PIK3CG: variants seen among roughly 807,000 people sequenced by gnomAD.
The protein encoded by PIK3CG is phosphatidylinositol-4,5-bisphosphate 3-kinase catalytic subunit gamma.
In PIK3CG, 55 loss-of-function variants were observed where a neutral mutation model predicts 102.3. The ratio of observed to expected loss-of-function variants is 0.54; its 90% CI spans 0.43 to 0.67. PIK3CG has a LOEUF of 0.67. Ranked by LOEUF, PIK3CG falls within the 30% of genes least tolerant of loss-of-function variation. PIK3CG has a pLI of 0.00. For missense variants in PIK3CG, 1,258 were observed against 1,391.8 expected, an observed-to-expected ratio of 0.90 and a Z score of 1.53; for synonymous variants, 552 against 540.0, an observed-to-expected ratio of 1.02 and a Z score of -0.31.
At chr7:106,901,625 T>C (rs1039199395) in intron 10 of PIK3CG, among the ~76,000 whole-genome samples, 1 of 152,200 alleles carries the variant, frequency 6.6e-6, no homozygotes, top group African/African-American at 2.4e-5. Context: ...TTGGAGGACA[T>C]ATGACAATTT....
intron 6 of PIK3CG, among the ~76,000 whole-genome samples, chr7:106,881,390 A>C (rs1392155160): frequency 1.3e-5 from 2 of 152,250 alleles, no homozygotes; most frequent in Non-Finnish European, 2.9e-5. Flanking sequence ...AGCAGCAATC[A>C]GTATATATTC....
intron 1 of PIK3CG, among the ~76,000 whole-genome samples, chr7:106,866,301 A>T (rs1339788424): frequency 6.6e-6 from 1 of 152,264 alleles, no homozygotes; most frequent in African/African-American, 2.4e-5. Flanking sequence ...TAGTGATACT[A>T]AACATTGAAA....
Position 106,880,160 on chromosome 7 carries a change from T to C in PIK3CG, c.2538+495T>C, listed in dbSNP as rs849371. On this transcript the variant is annotated intron_variant, in intron 6 of 10. Coordinates refer to ENST00000496166, the MANE Select transcript of PIK3CG (RefSeq NM_001282426.2). The surrounding 1 kb of genome is among the most constrained non-coding windows in gnomAD (Gnocchi z 4.2). Reference sequence around the variant, plus strand: ...GTAAGTGACAAGAGTGAAGTACTGTTAGGGCAGAAGGTGAATGGTCAATAT... The same window carrying C: ...GTAAGTGACAAGAGTGAAGTACTGTCAGGGCAGAAGGTGAATGGTCAATAT... Among the ~76,000 whole-genome samples, 19,371 of 152,218 alleles carry C rather than the reference T, an allele frequency of 0.13. 1,450 individuals carry two copies. Among genetic ancestry groups the C allele is most frequent in the African/African-American group, 0.21 (8,881 of 41,510 alleles).
chr7:106,874,681 G>A lies in PIK3CG; in HGVS notation c.2288-19G>A, dbSNP rs1353769171. On this transcript the variant is annotated intron_variant, in intron 4 of 10. Transcript: ENST00000496166. The surrounding 1 kb of genome is among the most constrained non-coding windows in gnomAD (Gnocchi z 4.3). Reference sequence around the variant, plus strand: ...TTTCTGGAACTCACATAACTCTTGTGTACTTTTGACAATTACAGTTATTTC... The same window carrying A: ...TTTCTGGAACTCACATAACTCTTGTATACTTTTGACAATTACAGTTATTTC... 3 of 1,471,048 alleles carry A rather than the reference G, an allele frequency of 2.0e-6. No individual in the cohort carries two copies. The highest frequency in any genetic ancestry group is 2.3e-5 in the East Asian group (1 of 44,266). The allele number at this position is 1,471,048 out of a possible 1,614,324, so 91.1% of individuals were successfully genotyped here.
Position 106,893,929 on chromosome 7 carries a change from A to T in PIK3CG, c.3030+7637A>T, listed in dbSNP as rs1276571514. Among the ~76,000 whole-genome samples the T allele has an allele frequency of 1.3e-5, 2 of 152,216 alleles. No individual in the cohort carries two copies. Among genetic ancestry groups the T allele is most frequent in the African/African-American group, 4.8e-5 (2 of 41,456 alleles). ...CAGCATGTTACTTACTGAATACTGT[A>T]GGCAGTTGTGACACAATGTTATGCA... On this transcript the variant is annotated intron_variant, in intron 10 of 10. Transcript: ENST00000496166. This position sits in a 1 kb window ranked among gnomAD's most constrained non-coding sequence, Gnocchi z 4.4.
At position 106,908,654 on chromosome 7, in the gene PIK3CG, T is replaced by G. The variant is rs970698404; in HGVS notation, c.*3267T>G. Reference sequence around the variant, plus strand: ...AACTTAACTGTAGTAAATATATCTTTTTCAGGTGATGAATTATTTTTTTAA... The same window carrying G: ...AACTTAACTGTAGTAAATATATCTTGTTCAGGTGATGAATTATTTTTTTAA... On this transcript the variant is annotated 3_prime_UTR_variant, in exon 11 of 11. Transcript: ENST00000496166. This position sits in a 1 kb window ranked among gnomAD's most constrained non-coding sequence, Gnocchi z 4.1. 7.2e-5 allele frequency among the ~76,000 whole-genome samples: 11 copies of G among 152,178 alleles called. No homozygotes were observed. Among genetic ancestry groups the G allele is most frequent in the Non-Finnish European group, 1.5e-4 (10 of 68,026 alleles).
chr7:106,868,142 A>G lies in PIK3CG; in HGVS notation c.581A>G (p.Lys194Arg), dbSNP rs370215200. ...GCGGAGGTGGCCAGCCGCGACCCCA[A>G]GCTCTACGCCATGCACCCGTGGGTG... ...RMAEVASRDPKLYAMHPWVTS... is the reference protein window; with the variant it reads ...RMAEVASRDPRLYAMHPWVTS... The change falls in exon 2 of 11, where the codon AAG becomes AGG. Residue 194 changes from lysine (K) to arginine (R), a missense_variant. Coordinates refer to ENST00000496166, the MANE Select transcript of PIK3CG (RefSeq NM_001282426.2). The surrounding 1 kb of genome is among the most constrained non-coding windows in gnomAD (Gnocchi z 6.2). The G allele has an allele frequency of 8.1e-6, 13 of 1,613,346 alleles. No individual in the cohort carries two copies. Among genetic ancestry groups the G allele is most frequent in the East Asian group, 2.2e-5 (1 of 44,854 alleles).
intron 5 of PIK3CG, among the ~76,000 whole-genome samples, chr7:106,876,045 G>T (rs2116506472): frequency 6.6e-6 from 1 of 150,716 alleles, no homozygotes; most frequent in East Asian, 2.0e-4. Context: ...CTCCCAAGTA[G>T]CTGGGACTAC....
At chr7:106,889,228 A>G (rs1312909776) in intron 10 of PIK3CG, among the ~76,000 whole-genome samples, 2 of 152,164 alleles carry the variant, frequency 1.3e-5, no homozygotes, top group Non-Finnish European at 2.9e-5. Context: ...CATCCTTCAC[A>G]ACAGGAAAAA....
chr7:106,882,999 C>A, intron 7 of PIK3CG, 34 bp from the exon 8 acceptor site: 1 of 1,609,902 alleles, frequency 6.2e-7, no homozygotes, highest in East Asian at 2.2e-5. Flanking sequence ...TACTGGCCCC[C>A]AATCTCCATC....
rs142862759 is a variant in PIK3CG at position 106,876,969 on chromosome 7, G to A, written c.2391+2166G>A. 1.9e-3 allele frequency among the ~76,000 whole-genome samples: 283 copies of A among 152,176 alleles called. 2 individuals carry two copies. The highest frequency in any genetic ancestry group is 5.8e-3 in the African/African-American group (241 of 41,514). Reference sequence around the variant, plus strand: ...TTCCAGCACTGTGGGAAGCCAAGGCGGGAGGATCACTTGAGGCAAGGAGTA... The same window carrying A: ...TTCCAGCACTGTGGGAAGCCAAGGCAGGAGGATCACTTGAGGCAAGGAGTA... On this transcript the variant is annotated intron_variant, in intron 5 of 10. Coordinates refer to ENST00000496166, the MANE Select transcript of PIK3CG (RefSeq NM_001282426.2).
chr7:106,893,813 A>G lies in PIK3CG; in HGVS notation c.3030+7521A>G, dbSNP rs1791328318. Among the ~76,000 whole-genome samples the G allele has an allele frequency of 6.6e-6, 1 of 152,230 alleles. No individual in the cohort carries two copies. The highest frequency in any genetic ancestry group is 2.4e-5 in the African/African-American group (1 of 41,460). On this transcript the variant is annotated intron_variant, in intron 10 of 10. Transcript: ENST00000496166. This position sits in a 1 kb window ranked among gnomAD's most constrained non-coding sequence, Gnocchi z 4.4. ...TAGGCAATTTCGTCATTGTGTAAAC[A>G]TCAGAGTGAACTTACACAAACCTAG...
At chr7:106,885,126 G>T (rs951753028) in intron 9 of PIK3CG, among the ~76,000 whole-genome samples, 1 of 152,074 alleles carries the variant, frequency 6.6e-6, no homozygotes, top group Non-Finnish European at 1.5e-5. Flanking sequence ...TTCCTAACAG[G>T]CCATGGACCT....
chr7:106,882,239 T>G (rs747017554), intron 7 of PIK3CG, 32 bp downstream of exon 7: 1 of 1,022,716 alleles, frequency 9.8e-7, no homozygotes, highest in East Asian at 2.7e-5. Flanking sequence ...TGAATAGACC[T>G]CTCAGCTCGT....
rs1790550958 is a variant in PIK3CG, at chr7:106,872,083, A to C, written c.1996-454A>C. On this transcript the variant is annotated intron_variant, in intron 2 of 10. Coordinates refer to ENST00000496166, the MANE Select transcript of PIK3CG (RefSeq NM_001282426.2). The surrounding 1 kb of genome is among the most constrained non-coding windows in gnomAD (Gnocchi z 5.3). ...GCTATAGGGCTTTTAGGATCTTTCC[A>C]TCTAACAAATATTTTTCTCCTTACG... Among the ~76,000 whole-genome samples the C allele has an allele frequency of 6.6e-6, 1 of 152,176 alleles. No homozygotes were observed. Among genetic ancestry groups the C allele is most frequent in the Admixed American group, 6.5e-5 (1 of 15,280 alleles).
At position 106,867,334 on chromosome 7, in the gene PIK3CG, A is replaced by G. The variant is rs1790320398; in HGVS notation, c.-12-216A>G. On this transcript the variant is annotated intron_variant, in intron 1 of 10. Coordinates refer to ENST00000496166, the MANE Select transcript of PIK3CG (RefSeq NM_001282426.2). This position sits in a 1 kb window ranked among gnomAD's most constrained non-coding sequence, Gnocchi z 5.1. ...CAGGCTCAGAGATTAAGCAGCCCAA[A>G]TCACCCAGAAAGTAAGTGGCTGGGC... is the stretch of plus-strand genomic sequence containing the variant. Among the ~76,000 whole-genome samples, 1 of 152,158 alleles carries G rather than the reference A, an allele frequency of 6.6e-6. No individual in the cohort carries two copies. The highest frequency in any genetic ancestry group is 1.5e-5 in the Non-Finnish European group (1 of 68,034).
rs2116551035 is a variant in PIK3CG, at chr7:106,884,161, G to A, written c.2767G>A (p.Ala923Thr). 1 of 1,610,012 alleles carries A rather than the reference G, an allele frequency of 6.2e-7. No individual in the cohort carries two copies. Among genetic ancestry groups the A allele is most frequent in the Non-Finnish European group, 8.5e-7 (1 of 1,177,144 alleles). The change falls in exon 9 of 11, where the codon GCA (alanine) becomes ACA (threonine). Residue 923 changes from alanine to threonine, a missense_variant. Coordinates refer to ENST00000496166, the MANE Select transcript of PIK3CG (RefSeq NM_001282426.2). This position sits in a 1 kb window ranked among gnomAD's most constrained non-coding sequence, Gnocchi z 4.2. ...EKSPTEEKFQ[A>T]AVERFVYSCA... is the part of the protein sequence containing the mutation. ...TCAAATGCATTTTAATTAGTTTCAG[G>A]CAGCAGTGGAGAGATTTGTTTATTC...
intron 10 of PIK3CG, among the ~76,000 whole-genome samples, chr7:106,904,439 G>A (rs1791638377): frequency 6.6e-6 from 1 of 152,120 alleles, no homozygotes; most frequent in African/African-American, 2.4e-5. Flanking sequence ...CAATTTAAAT[G>A]GCATAACCAT....
In PIK3CG at chr7:106,882,202, A is replaced by G. The variant is rs767917765; in HGVS notation, c.2624A>G (p.Lys875Arg). The G allele has an allele frequency of 1.3e-6, 2 of 1,557,020 alleles. No homozygotes were observed. Among genetic ancestry groups the G allele is most frequent in the East Asian group, 4.7e-5 (2 of 42,566 alleles). Reference protein sequence around the residue: ...LPYGCISTGDKIGMIEIVKDA... With the variant: ...LPYGCISTGDRIGMIEIVKDA... ...TATGGTTGCATTTCAACTGGTGACA[A>G]AATAGGTATGTAGTTACCTCAGGAG... Residue 875 changes from lysine (K) to arginine (R), a missense_variant, in exon 7 of 11, where the codon AAA becomes AGA. Coordinates refer to ENST00000496166, the MANE Select transcript of PIK3CG (RefSeq NM_001282426.2).
Sources: allele counts gnomAD v4.1 joint callset (sites outside exome capture counted in the v4.1 genomes callset), GRCh38; gene constraint gnomAD v4.1.1; non-coding constraint Gnocchi (gnomAD v3.1); transcripts MANE v1.5; gene names NCBI Gene and HGNC (gene_info 2026-07-23, HGNC 2026-07-21).